MYO7A: variants seen among roughly 807,000 people sequenced by gnomAD.
MYO7A encodes the protein myosin VIIA.
MYO7A carries 210 observed loss-of-function variants against 263.8 expected under a neutral mutation model. That is an observed-to-expected ratio of 0.80 (90% CI 0.71 to 0.89). The LOEUF (loss-of-function observed/expected upper bound fraction) is 0.89. Among genes scored for constraint, MYO7A ranks in the 40% least tolerant of loss-of-function variants. MYO7A has a pLI of 0.00. For synonymous variants in MYO7A, 1,239 were observed against 1,197.3 expected (o/e 1.03, Z -0.72); for missense variants, 2,820 against 2,968.3 (o/e 0.95, Z 1.16).
At chr11:77,177,982 AATT>A (rs1169955876) in intron 19 of MYO7A, among the ~76,000 whole-genome samples, 1 of 152,032 alleles carries the variant, frequency 6.6e-6, no homozygotes, top group Non-Finnish European at 1.5e-5. Flanking sequence ...AGATTTTATA[AATT>A]ATTAATACAA....
chr11:77,167,869 C>T (rs3758709), intron 15 of MYO7A, among the ~76,000 whole-genome samples: 38,020 of 152,042 alleles, frequency 0.25, 5,337 homozygotes, highest in Admixed American at 0.29. Context: ...AAGAACCTCC[C>T]GCCCCCACTC....
intron 28 of MYO7A, 146 bp downstream of exon 28, chr11:77,189,616 C>A (rs559065101): frequency 1.6e-6 from 2 of 1,232,698 alleles, no homozygotes; most frequent in African/African-American, 1.5e-5. Flanking sequence ...TTCCTGGCAC[C>A]CCCTCCTCTC....
At chr11:77,196,959 C>T (rs1284096692) in intron 32 of MYO7A, among the ~76,000 whole-genome samples, 1 of 152,226 alleles carries the variant, frequency 6.6e-6, no homozygotes, top group Non-Finnish European at 1.5e-5. Flanking sequence ...ATCACCTCAC[C>T]TCCAGGCTCC....
At chr11:77,167,473 A>G (rs1555073378) in intron 15 of MYO7A, among the ~76,000 whole-genome samples, 1 of 152,052 alleles carries the variant, frequency 6.6e-6, no homozygotes, top group Non-Finnish European at 1.5e-5. Context: ...ATTCCAGGTA[A>G]CAGCATTCTG....
chr11:77,134,196 G>A (rs1262362808), intron 2 of MYO7A, among the ~76,000 whole-genome samples: 3 of 152,174 alleles, frequency 2.0e-5, no homozygotes, highest in Non-Finnish European at 4.4e-5. Context: ...CTCCCAAACT[G>A]CTGGGATTAC....
At chr11:77,212,138 C>T (rs543043563) in intron 46 of MYO7A, 2 of 682,352 alleles carry the variant, frequency 2.9e-6, no homozygotes, top group African/African-American at 3.5e-5. Context: ...CCAGAAGAAG[C>T]TCAGCCTGGC....
intron 32 of MYO7A, among the ~76,000 whole-genome samples, chr11:77,196,738 G>A (rs1956695381): frequency 6.7e-6 from 1 of 149,846 alleles, no homozygotes; most frequent in Admixed American, 6.7e-5. Context: ...GGCTCTCATG[G>A]GTGGAGATGG....
At chr11:77,185,850 C>T (rs950291778) in intron 27 of MYO7A, among the ~76,000 whole-genome samples, 1 of 152,028 alleles carries the variant, frequency 6.6e-6, no homozygotes, top group African/African-American at 2.4e-5. Flanking sequence ...CAAAATTACT[C>T]CTTGATCCAT....
chr11:77,179,610 G>T (rs2135469746), intron 20 of MYO7A, 125 bp from the exon 21 acceptor site: 1 of 790,672 alleles, frequency 1.3e-6, no homozygotes, highest in East Asian at 2.7e-5. Context: ...TCTGAGAGGA[G>T]ACTGGGCCAC....
chr11:77,146,845 A>T (rs1391689872), intron 3 of MYO7A, among the ~76,000 whole-genome samples: 1 of 152,018 alleles, frequency 6.6e-6, no homozygotes. Flanking sequence ...GATTTTGCAA[A>T]GGTGCTGGAG....
intron 10 of MYO7A, 98 bp downstream of exon 10, chr11:77,159,621 G>A (rs1459049569): frequency 1.6e-6 from 2 of 1,236,888 alleles, no homozygotes; most frequent in Non-Finnish European, 2.3e-6. Flanking sequence ...ACATTGCTGG[G>A]ACCCTCTGGT....
At chr11:77,202,194 C>A (rs915298453) in intron 36 of MYO7A, 106 bp from the exon 37 acceptor site, 8 of 1,385,472 alleles carry the variant, frequency 5.8e-6, no homozygotes, top group Non-Finnish European at 7.7e-6. Flanking sequence ...GGGGTCCATA[C>A]CCCTGAAGAG....
chr11:77,202,433 T>G lies in MYO7A; in HGVS notation c.5168+9T>G, dbSNP rs2135706867. The G allele has an allele frequency of 1.3e-6, 2 of 1,549,320 alleles. No homozygotes were observed. The highest frequency in any genetic ancestry group is 2.4e-5 in the South Asian group (2 of 83,988). ...TCCTATGACTACTTCAGGTGATGCC[T>G]CCTGGGGAAGGATGGGAGCCACAGG... is the stretch of plus-strand genomic sequence containing the variant. On this transcript the variant is annotated intron_variant, in intron 37 of 48. Transcript: ENST00000409709.
At position 77,175,356 on chromosome 11, in the gene MYO7A, C is replaced by T. The variant is rs782001779; in HGVS notation, c.2095-16C>T. On this transcript the variant is annotated splice_polypyrimidine_tract_variant and intron_variant, in intron 17 of 48. Transcript: ENST00000409709. ...AGAGGCTGTCCATTCCCTTGTGTTC[C>T]CCATCCTCACTCCAGGGCGACCTCC... 7.4e-6 allele frequency: 12 copies of T among 1,611,850 alleles called. No homozygotes were observed. In the South Asian group the frequency reaches 9.9e-5, roughly 13 times the overall value.
Position 77,182,521 on chromosome 11 carries a change from C to T in MYO7A, c.3206C>T (p.Pro1069Leu). Residue 1069 changes from proline (P) to leucine (L), a missense_variant, in exon 25 of 49, where the codon CCT (proline) becomes CTT (leucine). By Grantham distance (98) the Pro-to-Leu change is moderately conservative. Coordinates refer to ENST00000409709, the MANE Select transcript of MYO7A (RefSeq NM_000260.4). ...ATGAGTGATGGCAGTGAGAAGATCC[C>T]TGTGATGACCAAGATTTATGAGACC... The part of the protein sequence containing the change: ...TAMSDGSEKI[P>L]VMTKIYETLG... The T allele has an allele frequency of 6.2e-7, 1 of 1,613,480 alleles. No individual in the cohort carries two copies. Among genetic ancestry groups the T allele is most frequent in the East Asian group, 2.2e-5 (1 of 44,880 alleles).
chr11:77,181,680 C>A, intron 23 of MYO7A, 91 bp downstream of exon 23: 2 of 1,266,824 alleles, frequency 1.6e-6, no homozygotes, highest in East Asian at 2.5e-5. Context: ...TAAAGCCCAC[C>A]CAGTCCCTCT....
In MYO7A at chr11:77,157,397, G is replaced by A. The variant is rs1060499716; in HGVS notation, c.849+5G>A. On this transcript the variant is annotated splice_donor_5th_base_variant and intron_variant, in intron 8 of 48. Coordinates refer to ENST00000409709, the MANE Select transcript of MYO7A (RefSeq NM_000260.4). The stretch of plus-strand genomic sequence containing the variant: ...GACTACAACTACTTGGCCATGGTGA[G>A]GCCCAGGTGGGCCCCTGGGTAGGGG... 1.9e-6 allele frequency: 3 copies of A among 1,590,284 alleles called. No homozygotes were observed. The highest frequency in any genetic ancestry group is 1.3e-5 in the African/African-American group (1 of 74,404).
rs371097436 is a variant in MYO7A, at chr11:77,214,562, C to A, written c.6559-45C>A. On this transcript the variant is annotated intron_variant, in intron 48 of 48. Coordinates refer to ENST00000409709, the MANE Select transcript of MYO7A (RefSeq NM_000260.4). The stretch of plus-strand genomic sequence containing the variant: ...CTGTGCTATGGTCTGAGTGGCTGGC[C>A]CTGTCCCACCGTGTGCTCGCTTATC... 21 of 1,412,320 alleles carry A rather than the reference C, an allele frequency of 1.5e-5. No individual in the cohort carries two copies. The African/African-American group carries it at 2.7e-4, about 18-fold the overall frequency. 87.5% of individuals were successfully genotyped at this position (1,412,320 alleles called of 1,614,324 possible).
At chr11:77,164,852 G>A (rs1953384301) in intron 14 of MYO7A, among the ~76,000 whole-genome samples, 1 of 152,202 alleles carries the variant, frequency 6.6e-6, no homozygotes, top group Non-Finnish European at 1.5e-5. Flanking sequence ...GGTAACTGAA[G>A]CCCAGAAAGG....
Sources: gnomAD v4.1 joint callset for allele counts (sites outside exome capture counted in the v4.1 genomes callset) on GRCh38, gnomAD v4.1.1 for gene constraint, MANE v1.5 for transcripts, NCBI Gene and HGNC (gene_info 2026-07-23, HGNC 2026-07-21) for gene names.